Variants in PCDHGB2 observed in about 807,000 individuals in gnomAD.
The protein encoded by PCDHGB2 is protocadherin gamma-B2.
Under a neutral mutation model 59.3 loss-of-function variants are expected in PCDHGB2, and 55 were observed. The ratio of observed to expected loss-of-function variants is 0.93; its 90% CI spans 0.75 to 1.16. The LOEUF is 1.16. Ranked by LOEUF, PCDHGB2 falls within the 50% of genes most tolerant of loss-of-function variation. The pLI is 0.00. For missense variants in PCDHGB2, 1,228 were observed against 1,198.5 expected (o/e 1.02, Z -0.36); for synonymous variants, 516 against 512.0 (o/e 1.01, Z -0.11).
At chr5:141,398,392 A>T in intron 1 of PCDHGB2, 1 of 1,456,390 alleles carries the variant, frequency 6.9e-7, no homozygotes, top group Non-Finnish European at 9.5e-7. Context: ...TGTGAGCAGC[A>T]GGCTAGACAG....
rs1189175823 is a variant in PCDHGB2 at position 141,422,087 on chromosome 5, G to T, written c.2421+59531G>T. 2 of 1,611,966 alleles carry T rather than the reference G, an allele frequency of 1.2e-6. No individual in the cohort carries two copies. ...ATGTATTCATTTCGGAACATGGAAA[G>T]CAAGGCTTCTGAAATATTCCAATTG... is the stretch of plus-strand genomic sequence containing the variant. On this transcript the variant is annotated intron_variant, in intron 1 of 3. Transcript: ENST00000522605.
At chr5:141,393,079 GGATA>G (rs1414303760) in intron 1 of PCDHGB2, 2 of 1,613,582 alleles carry the variant, frequency 1.2e-6, no homozygotes, top group Non-Finnish European at 1.7e-6. Context: ...ACCGCGGGCA[GGATA>G]GATCGGGAGG....
At chr5:141,365,314 T>A in intron 1 of PCDHGB2, 1 of 1,613,862 alleles carries the variant, frequency 6.2e-7, no homozygotes, top group East Asian at 2.2e-5. Context: ...GCGCTCTTGT[T>A]GCCAGCGCTA....
At chr5:141,435,214 A>G (rs1314928643) in intron 1 of PCDHGB2, among the ~76,000 whole-genome samples, 2 of 152,176 alleles carry the variant, frequency 1.3e-5, no homozygotes, top group South Asian at 2.1e-4. Context: ...AAGTGAATTT[A>G]CTTTCTTTCA....
intron 1 of PCDHGB2, chr5:141,478,393 G>A (rs2099452978): frequency 6.2e-7 from 1 of 1,613,488 alleles, no homozygotes; most frequent in South Asian, 1.1e-5. Flanking sequence ...TTTACCATCA[G>A]GTGTATCTCA....
At chr5:141,423,147 G>A (rs545052756) in intron 1 of PCDHGB2, 4 of 1,613,578 alleles carry the variant, frequency 2.5e-6, no homozygotes, top group African/African-American at 2.7e-5. Context: ...ACGCGCTCAA[G>A]CAGAGCCTCG....
intron 1 of PCDHGB2, among the ~76,000 whole-genome samples, chr5:141,469,684 T>C (rs1471928749): frequency 6.6e-6 from 1 of 152,256 alleles, no homozygotes; most frequent in Non-Finnish European, 1.5e-5. Flanking sequence ...ACATATGCAT[T>C]GGTCCTATGA....
rs1561748501 is a variant in PCDHGB2 at position 141,414,351 on chromosome 5, G to GT, written c.2421+51796dup. On this transcript the variant is annotated intron_variant, in intron 1 of 3. Coordinates refer to ENST00000522605, the MANE Select transcript of PCDHGB2 (RefSeq NM_018923.3). ...GACAGGTAACCTGTTCCATTTTGGC[G>GT]TATCTACCATTTAAATTAGAAAAGT... 2.5e-6 allele frequency: 4 copies of GT among 1,613,794 alleles called. No individual in the cohort carries two copies. The South Asian group carries it at 3.3e-5, about 13-fold the overall frequency.
intron 1 of PCDHGB2, chr5:141,421,331 C>T: frequency 1.2e-6 from 2 of 1,613,856 alleles, no homozygotes; most frequent in East Asian, 2.2e-5. Flanking sequence ...ATCCGATATT[C>T]GGTGCCAGAA....
chr5:141,405,195 C>T, intron 1 of PCDHGB2: 1 of 1,613,786 alleles, frequency 6.2e-7, no homozygotes. Context: ...GGGGTTCGAG[C>T]TTTCCTACAG....
rs2099884060 is a variant in PCDHGB2 at position 141,512,057 on chromosome 5, A to T, written c.*884A>T. 1 of 152,768 alleles carries T rather than the reference A, an allele frequency of 6.5e-6. No individual in the cohort carries two copies. Among genetic ancestry groups the T allele is most frequent in the South Asian group, 2.1e-4 (1 of 4,832 alleles). 9.5% of individuals were successfully genotyped at this position (152,768 alleles called of 1,614,324 possible). ...GGCTCTGTATGTCCTCAGGGGACTG[A>T]CAACATCCTCCAGATTCCAGCCATA... is the stretch of plus-strand genomic sequence containing the variant. On this transcript the variant is annotated 3_prime_UTR_variant, in exon 4 of 4. Coordinates refer to ENST00000522605, the MANE Select transcript of PCDHGB2 (RefSeq NM_018923.3).
chr5:141,384,261 C>G (rs1561601309), intron 1 of PCDHGB2: 1 of 1,613,910 alleles, frequency 6.2e-7, no homozygotes, highest in East Asian at 2.2e-5. Context: ...CCTTCCCCCA[C>G]TCATCCTACT....
intron 1 of PCDHGB2, chr5:141,388,337 A>C: frequency 6.2e-7 from 1 of 1,613,990 alleles, no homozygotes; most frequent in Non-Finnish European, 8.5e-7. Context: ...CTGGCACACG[A>C]TTTATATTAG....
intron 1 of PCDHGB2, chr5:141,372,171 G>A (rs573101178): frequency 2.5e-6 from 4 of 1,613,744 alleles, no homozygotes; most frequent in East Asian, 4.5e-5. Flanking sequence ...CAAGGTGGTG[G>A]CGGTGGACGC....
rs746318177 is a variant in PCDHGB2 at position 141,431,715 on chromosome 5, T to G, written c.2422-63092T>G. On this transcript the variant is annotated intron_variant, in intron 1 of 3. Coordinates refer to ENST00000522605, the MANE Select transcript of PCDHGB2 (RefSeq NM_018923.3). The surrounding 1 kb of genome is among the most constrained non-coding windows in gnomAD (Gnocchi z 4.8). Reference sequence around the variant, plus strand: ...GAGTCAGGATTCTACCAGATGGAAGTGCAAGCAATGGATAATGCAGGATAT... The same window carrying G: ...GAGTCAGGATTCTACCAGATGGAAGGGCAAGCAATGGATAATGCAGGATAT... 5.6e-6 allele frequency: 9 copies of G among 1,614,178 alleles called. No homozygotes were observed. The highest frequency in any genetic ancestry group is 6.8e-6 in the Non-Finnish European group (8 of 1,180,042).
At chr5:141,497,464 T>G (rs1277760390) in intron 2 of PCDHGB2, among the ~76,000 whole-genome samples, 1 of 151,764 alleles carries the variant, frequency 6.6e-6, no homozygotes, top group Non-Finnish European at 1.5e-5. Flanking sequence ...CTTGGAGATA[T>G]GGAGGAGAAG....
At chr5:141,370,250 T>C in intron 1 of PCDHGB2, 1 of 693,716 alleles carries the variant, frequency 1.4e-6, no homozygotes. Context: ...GTGCACTCTC[T>C]ATCAGGCTTC....
chr5:141,458,409 G>A (rs188300064), intron 1 of PCDHGB2, among the ~76,000 whole-genome samples: 2 of 152,126 alleles, frequency 1.3e-5, no homozygotes, highest in East Asian at 1.9e-4. Context: ...GAGACGGAGC[G>A]GGGGTTCCAA....
In PCDHGB2 at chr5:141,512,839, C is replaced by T. The variant is rs141207714; in HGVS notation, c.*1666C>T. ...GACCCCCTCCCCCGTACTGACTTCTCCTATAAGCGCTTCTCTTCGCATAGT... is the reference window on the plus strand; with the variant it reads ...GACCCCCTCCCCCGTACTGACTTCTTCTATAAGCGCTTCTCTTCGCATAGT... On this transcript the variant is annotated 3_prime_UTR_variant, in exon 4 of 4. Transcript: ENST00000522605. 278 of 152,216 alleles carry T rather than the reference C, an allele frequency of 1.8e-3. 2 individuals are homozygous for T. Among genetic ancestry groups the T allele is most frequent in the Middle Eastern group, 0.01 (3 of 292 alleles). 9.4% of individuals were successfully genotyped at this position (152,216 alleles called of 1,614,324 possible). A position where few individuals can be genotyped will look rare whatever the true frequency, so the allele number is the denominator to read the frequency against.
Sources: allele counts gnomAD v4.1 joint callset (sites outside exome capture counted in the v4.1 genomes callset), GRCh38; gene constraint gnomAD v4.1.1; non-coding constraint Gnocchi (gnomAD v3.1); transcripts MANE v1.5; gene names NCBI Gene and HGNC (gene_info 2026-07-23, HGNC 2026-07-21).